ADGRB3: variants seen among roughly 807,000 people sequenced by gnomAD.
ADGRB3 encodes the protein brain-specific angiogenesis inhibitor 3.
Under a neutral mutation model 193.4 loss-of-function variants are expected in ADGRB3, and 37 were observed. That is an observed-to-expected ratio of 0.19 (90% CI 0.15 to 0.25). The LOEUF (loss-of-function observed/expected upper bound fraction) is 0.25. Ranked by LOEUF, ADGRB3 falls within the 10% of genes least tolerant of loss-of-function variation. The probability of loss-of-function intolerance (pLI) is 1.00; values close to 1 mark genes in which losing one functional copy is unlikely to be tolerated. For synonymous variants in ADGRB3, 690 were observed against 644.2 expected, an observed-to-expected ratio of 1.07 and a Z score of -1.08; for missense variants, 1,637 against 1,852.9, an observed-to-expected ratio of 0.88 and a Z score of 2.14.
chr6:69,233,179 TACAGG>T, intron 17 of ADGRB3, 106 bp from the exon 18 acceptor site: 2 of 1,405,566 alleles, frequency 1.4e-6, no homozygotes, highest in Non-Finnish European at 1.9e-6. Context: ...TTTTTTCCTG[TACAGG>T]AATTACAGTA....
intron 30 of ADGRB3, among the ~76,000 whole-genome samples, chr6:69,377,756 G>T (rs1325294895): frequency 6.6e-6 from 1 of 152,022 alleles, no homozygotes; most frequent in Non-Finnish European, 1.5e-5. Flanking sequence ...ATATAATTCA[G>T]ACTTAAGCAT....
At chr6:68,742,852 G>T (rs1766006505) in intron 3 of ADGRB3, among the ~76,000 whole-genome samples, 2 of 151,548 alleles carry the variant, frequency 1.3e-5, no homozygotes, top group Non-Finnish European at 3.0e-5. Flanking sequence ...TTTATATAGT[G>T]GGATACATGT....
At chr6:68,837,499 CA>C (rs1562050321) in intron 3 of ADGRB3, among the ~76,000 whole-genome samples, 1 of 151,946 alleles carries the variant, frequency 6.6e-6, no homozygotes. Context: ...TATGATATAA[CA>C]TAGATAAATG....
chr6:69,073,368 C>G (rs961224547), intron 16 of ADGRB3, among the ~76,000 whole-genome samples: 1 of 152,106 alleles, frequency 6.6e-6, no homozygotes, highest in Non-Finnish European at 1.5e-5. Context: ...AGAATCCACC[C>G]AAGTGCTGGT....
At chr6:69,316,026 C>T (rs1768302369) in intron 20 of ADGRB3, among the ~76,000 whole-genome samples, 1 of 151,152 alleles carries the variant, frequency 6.6e-6, no homozygotes, top group African/African-American at 2.4e-5. Context: ...TATTTTATAT[C>T]CCATTAATTT....
chr6:68,783,577 C>T (rs1041706034), intron 3 of ADGRB3, among the ~76,000 whole-genome samples: 13 of 151,562 alleles, frequency 8.6e-5, no homozygotes, highest in Admixed American at 5.3e-4. Context: ...GCTTGGGAAG[C>T]GTGGCTATCT....
At chr6:69,164,201 A>G (rs1285904724) in intron 17 of ADGRB3, among the ~76,000 whole-genome samples, 1 of 152,062 alleles carries the variant, frequency 6.6e-6, no homozygotes, top group Non-Finnish European at 1.5e-5. Context: ...TAAGCTAAGG[A>G]CTGCCTGTGG....
At chr6:69,036,309 T>G (rs537284626) in intron 13 of ADGRB3, among the ~76,000 whole-genome samples, 28 of 152,290 alleles carry the variant, frequency 1.8e-4, no homozygotes, top group Admixed American at 1.8e-3. Context: ...TTACAGATGG[T>G]CAAAGTGAAC....
intron 3 of ADGRB3, among the ~76,000 whole-genome samples, chr6:68,855,529 T>C (rs117048094): frequency 0.09 from 13,733 of 151,940 alleles, 827 homozygotes; most frequent in Non-Finnish European, 0.13. Flanking sequence ...TTAAAATATA[T>C]ATAACACTAA....
At chr6:68,988,759 G>A (rs1231348101) in intron 10 of ADGRB3, among the ~76,000 whole-genome samples, 1 of 152,046 alleles carries the variant, frequency 6.6e-6, no homozygotes, top group East Asian at 1.9e-4. Context: ...CACAAGCAGC[G>A]ATGCCCTTCC....
At chr6:68,716,016 T>G (rs1040932860) in intron 3 of ADGRB3, among the ~76,000 whole-genome samples, 4 of 151,722 alleles carry the variant, frequency 2.6e-5, no homozygotes, top group African/African-American at 9.7e-5. Flanking sequence ...ATATTTGACT[T>G]ACATTGTCTT....
At chr6:68,886,381 T>G (rs533389766) in intron 3 of ADGRB3, among the ~76,000 whole-genome samples, 1 of 152,238 alleles carries the variant, frequency 6.6e-6, no homozygotes, top group South Asian at 2.1e-4. Flanking sequence ...CAGGAGCAAC[T>G]TGGGCAATAA....
intron 3 of ADGRB3, among the ~76,000 whole-genome samples, chr6:68,886,916 A>G (rs1765925949): frequency 6.6e-6 from 1 of 151,810 alleles, no homozygotes; most frequent in African/African-American, 2.4e-5. Context: ...CATCATCCCT[A>G]TAACTTCAAT....
intron 20 of ADGRB3, among the ~76,000 whole-genome samples, chr6:69,255,900 C>T (rs190032338): frequency 2.0e-4 from 31 of 152,222 alleles, no homozygotes; most frequent in Admixed American, 8.5e-4. Flanking sequence ...GGAAGGGATC[C>T]GGTTTCAGCT....
At chr6:69,089,000 G>A (rs947695568) in intron 17 of ADGRB3, among the ~76,000 whole-genome samples, 1 of 152,190 alleles carries the variant, frequency 6.6e-6, no homozygotes, top group African/African-American at 2.4e-5. Flanking sequence ...TGATATTACA[G>A]GTTTAGAAAA....
At chr6:69,031,775 C>T (rs140835037) in intron 13 of ADGRB3, among the ~76,000 whole-genome samples, 163 of 151,758 alleles carry the variant, frequency 1.1e-3, no homozygotes, top group Middle Eastern at 0.01. Context: ...GCTGGGACTA[C>T]AGTCATGCGC....
At chr6:68,729,536 A>G (rs75110770) in intron 3 of ADGRB3, among the ~76,000 whole-genome samples, 2,860 of 151,636 alleles carry the variant, frequency 0.019, 42 homozygotes, top group Non-Finnish European at 0.029. Flanking sequence ...CTTGCCCCAT[A>G]GATCCATAGC....
At chr6:68,684,606 C>A (rs1764950688) in intron 3 of ADGRB3, among the ~76,000 whole-genome samples, 1 of 151,886 alleles carries the variant, frequency 6.6e-6, no homozygotes, top group Non-Finnish European at 1.5e-5. Context: ...TTAAGAGGAA[C>A]TTGATTTCCA....
intron 17 of ADGRB3, among the ~76,000 whole-genome samples, chr6:69,146,315 C>T (rs1055470107): frequency 6.6e-6 from 1 of 152,226 alleles, no homozygotes; most frequent in Non-Finnish European, 1.5e-5. Context: ...TTCAACTTTG[C>T]TCAAAGATCA....
Sources: gnomAD v4.1 joint callset for allele counts (sites outside exome capture counted in the v4.1 genomes callset) on GRCh38, gnomAD v4.1.1 for gene constraint, MANE v1.5 for transcripts, NCBI Gene and HGNC (gene_info 2026-07-23, HGNC 2026-07-21) for gene names.